The following ARL6IP1 variants were observed in gnomAD, a reference collection of about 807,000 sequenced individuals.
The protein encoded by ARL6IP1 is ADP-ribosylation factor-like protein 6-interacting protein 1.
In ARL6IP1, 16 loss-of-function variants were observed where a neutral mutation model predicts 30.1. That is an observed-to-expected ratio of 0.53 (90% confidence interval 0.36 to 0.81). ARL6IP1 has a LOEUF of 0.81. ARL6IP1 is among the 30% of genes least tolerant of loss of function. The pLI is 0.01. For missense variants in ARL6IP1, 173 were observed against 242.7 expected (o/e 0.71, Z 1.91); for synonymous variants, 72 against 84.8 (o/e 0.85, Z 0.83).
At position 18,801,543 on chromosome 16, in the gene ARL6IP1, A is replaced by G; in HGVS notation, c.-77T>C. On this transcript the variant is annotated 5_prime_UTR_variant, in exon 1 of 6. Coordinates refer to ENST00000304414, the MANE Select transcript of ARL6IP1 (RefSeq NM_015161.3). ...TCCAACCGAAACCCGCACACCAACC[A>G]CAACCCGAGGGAACGCCCCGCAGGC... The G allele has an allele frequency of 6.4e-7, 1 of 1,572,246 alleles. No individual in the cohort carries two copies. The highest frequency in any genetic ancestry group is 1.2e-5 in the South Asian group (1 of 86,346).
chr16:18,801,273 G>T (rs938723836), intron 1 of ARL6IP1, 158 bp downstream of exon 1: 13 of 1,465,750 alleles, frequency 8.9e-6, no homozygotes, highest in Non-Finnish European at 1.2e-5. Context: ...TCGACACCCA[G>T]GAGTCACCCA....
Position 18,794,683 on chromosome 16 carries a change from A to C in ARL6IP1, c.409T>G (p.Tyr137Asp). 6.2e-7 allele frequency: 1 copy of C among 1,610,044 alleles called. No homozygotes were observed. The highest frequency in any genetic ancestry group is 8.5e-7 in the Non-Finnish European group (1 of 1,177,724). ...FTLKEEKPKM[Y>D]FMTMIVSLAA... ...AGGGAAACGATCATGGTCATGAAGTACTAGCAATGAAAACAAGAATTTAAT... is the reference window on the plus strand; with the variant it reads ...AGGGAAACGATCATGGTCATGAAGTCCTAGCAATGAAAACAAGAATTTAAT... Residue 137 changes from tyrosine (Y) to aspartate (D), a missense_variant and splice_region_variant, in exon 5 of 6, where the codon TAC becomes GAC. Tyr to Asp is a radical substitution (Grantham distance 160, BLOSUM62 -3). Coordinates refer to ENST00000304414, the MANE Select transcript of ARL6IP1 (RefSeq NM_015161.3).
chr16:18,793,292 A>G lies in ARL6IP1; in HGVS notation c.572T>C (p.Ile191Thr). 1.2e-6 allele frequency: 2 copies of G among 1,613,156 alleles called. No homozygotes were observed. The highest frequency in any genetic ancestry group is 3.6e-4 in the Middle Eastern group (2 of 5,592). ...LKYIGMAKREINKLLKQKEKK... is the reference protein window; with the variant it reads ...LKYIGMAKRETNKLLKQKEKK... ...TTCTTTTTGTTTGAGAAGTTTGTTT[A>G]TCTCCCTCTTGGCCATTCCAATGTA... Residue 191 changes from isoleucine (I) to threonine (T), a missense_variant, in exon 6 of 6, where the codon ATA becomes ACA. Physicochemically the swap from Ile to Thr is moderately conservative, Grantham distance 89 (BLOSUM62 -1). Transcript: ENST00000304414.
Position 18,793,269 on chromosome 16 carries a change from C to G in ARL6IP1, c.595G>C (p.Glu199Gln). 3.7e-6 allele frequency: 6 copies of G among 1,608,820 alleles called. No homozygotes were observed. Among genetic ancestry groups the G allele is most frequent in the Non-Finnish European group, 4.2e-6 (5 of 1,177,564 alleles). ...CAGATGAATCATTCGTTTTTCTTTTCTTTTTGTTTGAGAAGTTTGTTTATC... is the reference window on the plus strand; with the variant it reads ...CAGATGAATCATTCGTTTTTCTTTTGTTTTTGTTTGAGAAGTTTGTTTATC... ...REINKLLKQK[E>Q]KKNE Residue 199 changes from glutamate (E) to glutamine (Q), a missense_variant, in exon 6 of 6, where the codon GAA (glutamate) becomes CAA (glutamine). Transcript: ENST00000304414.
chr16:18,793,605 AT>A (rs1255485808), intron 5 of ARL6IP1, among the ~76,000 whole-genome samples: 1 of 150,720 alleles, frequency 6.6e-6, no homozygotes, highest in Non-Finnish European at 1.5e-5. Flanking sequence ...CTAATTTTGT[AT>A]TTTTAGTAGA....
At chr16:18,800,619 C>T (rs2030378848) in intron 1 of ARL6IP1, among the ~76,000 whole-genome samples, 1 of 152,178 alleles carries the variant, frequency 6.6e-6, no homozygotes. Flanking sequence ...TTCAAAAGCC[C>T]CTAAGTAAAT....
At chr16:18,796,565 T>C (rs2030237423) in intron 3 of ARL6IP1, among the ~76,000 whole-genome samples, 1 of 152,260 alleles carries the variant, frequency 6.6e-6, no homozygotes, top group African/African-American at 2.4e-5. Context: ...CTAGGAGTTA[T>C]AAATTAGCAG....
intron 3 of ARL6IP1, among the ~76,000 whole-genome samples, chr16:18,797,102 G>A (rs1021066560): frequency 1.3e-5 from 2 of 152,044 alleles, no homozygotes; most frequent in Admixed American, 6.6e-5. Flanking sequence ...TAAATAGGCC[G>A]GGCACGGTGG....
At position 18,793,378 on chromosome 16, in the gene ARL6IP1, T is replaced by C. The variant is rs199780077; in HGVS notation, c.494-8A>G. The C allele has an allele frequency of 6.8e-7, 1 of 1,476,228 alleles. No individual in the cohort carries two copies. The highest frequency in any genetic ancestry group is 1.5e-5 in the African/African-American group (1 of 68,758). 91.4% of individuals were successfully genotyped at this position (1,476,228 alleles called of 1,614,324 possible). A position where few individuals can be genotyped will look rare whatever the true frequency, so the allele number is the denominator to read the frequency against. On this transcript the variant is annotated splice_polypyrimidine_tract_variant and splice_region_variant and intron_variant, in intron 5 of 5. Transcript: ENST00000304414. Reference sequence around the variant, plus strand: ...GCAATAGTAAGGAAGTCACTTAAAATAAAAAAAAACCCAACATTAAGGAGG... The same window carrying C: ...GCAATAGTAAGGAAGTCACTTAAAACAAAAAAAAACCCAACATTAAGGAGG...
chr16:18,800,687 C>T (rs1264625941), intron 1 of ARL6IP1, among the ~76,000 whole-genome samples: 3 of 152,192 alleles, frequency 2.0e-5, no homozygotes, highest in Non-Finnish European at 4.4e-5. Context: ...GGAAGGGCAA[C>T]TGAGAATATG....
intron 1 of ARL6IP1, among the ~76,000 whole-genome samples, 166 bp from the exon 2 acceptor site, chr16:18,799,000 A>G (rs1596948826): frequency 6.6e-6 from 1 of 152,272 alleles, no homozygotes; most frequent in East Asian, 1.9e-4. Context: ...AAAGATGAAA[A>G]TACAATGGGT....
intron 3 of ARL6IP1, 143 bp downstream of exon 3, chr16:18,797,782 T>C: frequency 9.7e-7 from 1 of 1,034,650 alleles, no homozygotes; most frequent in Non-Finnish European, 1.4e-6. Flanking sequence ...AGTTACAATA[T>C]TCTTCACATA....
At chr16:18,795,626 A>C in intron 3 of ARL6IP1, 45 bp from the exon 4 acceptor site, 1 of 1,297,762 alleles carries the variant, frequency 7.7e-7, no homozygotes, top group Non-Finnish European at 1.1e-6. Context: ...TCGTTACAGT[A>C]GACAAAAACA....
chr16:18,795,067 A>AGT, intron 4 of ARL6IP1: 1 of 193,974 alleles, frequency 5.2e-6, no homozygotes, highest in Non-Finnish European at 1.0e-5. Context: ...CAAAGGCTGG[A>AGT]GTGCAGTGGT....
chr16:18,801,258 A>C, intron 1 of ARL6IP1, 173 bp downstream of exon 1: 1 of 1,435,086 alleles, frequency 7.0e-7, no homozygotes, highest in Non-Finnish European at 9.1e-7. Flanking sequence ...AGGAAAGGTA[A>C]GGGTTCGACA....
chr16:18,799,050 C>T (rs1435025743), intron 1 of ARL6IP1, among the ~76,000 whole-genome samples: 6 of 151,638 alleles, frequency 4.0e-5, no homozygotes, highest in African/African-American at 2.4e-5. Flanking sequence ...GACGGAGTCT[C>T]GCTCTGTCAC....
At chr16:18,799,929 G>A (rs1460256700) in intron 1 of ARL6IP1, among the ~76,000 whole-genome samples, 1 of 152,166 alleles carries the variant, frequency 6.6e-6, no homozygotes, top group African/African-American at 2.4e-5. Flanking sequence ...TTATCAGGCT[G>A]GATGCAGTGG....
rs186338443 is a variant in ARL6IP1 at position 18,794,958 on chromosome 16, C to T, written c.409-275G>A. ...ACGATCTTTTCAGTTAATAACTTCA[C>T]GGAACAGCCTCACGACGTGAAGCTT... On this transcript the variant is annotated intron_variant, in intron 4 of 5. Coordinates refer to ENST00000304414, the MANE Select transcript of ARL6IP1 (RefSeq NM_015161.3). Among the ~76,000 whole-genome samples the T allele has an allele frequency of 1.2e-4, 18 of 151,452 alleles. 1 individual carries two copies. In the Middle Eastern group the frequency reaches 0.014, roughly 119 times the overall value.
chr16:18,793,559 G>C (rs1275691680), intron 5 of ARL6IP1, among the ~76,000 whole-genome samples, 189 bp from the exon 6 acceptor site: 1 of 151,408 alleles, frequency 6.6e-6, no homozygotes, highest in Non-Finnish European at 1.5e-5. Context: ...AGCTACCCAA[G>C]TAGCTGGGAT....
Sources: allele counts gnomAD v4.1 joint callset (sites outside exome capture counted in the v4.1 genomes callset), GRCh38; gene constraint gnomAD v4.1.1; transcripts MANE v1.5; gene names NCBI Gene and HGNC (gene_info 2026-07-23, HGNC 2026-07-21).